DOCK1: variants seen among roughly 807,000 people sequenced by gnomAD.
DOCK1 encodes the protein dedicator of cytokinesis protein 1.
In DOCK1, 138 loss-of-function variants were observed where a neutral mutation model predicts 262.7. The observed-to-expected ratio is 0.53, with a 90% CI of 0.46 to 0.61. The LOEUF is 0.61. Ranked by LOEUF, DOCK1 falls within the 20% of genes least tolerant of loss-of-function variation. DOCK1 has a pLI of 0.00. For synonymous variants in DOCK1, 866 were observed against 867.4 expected (o/e 1.00, Z 0.03); for missense variants, 1,908 against 2,370.7 (o/e 0.80, Z 4.05).
In DOCK1 at chr10:127,179,455, C is replaced by A. The variant is rs186659550; in HGVS notation, c.2847+51691C>A. Among the ~76,000 whole-genome samples the A allele has an allele frequency of 1.9e-3, 283 of 152,256 alleles. 2 individuals carry two copies. The highest frequency in any genetic ancestry group is 0.017 in the Admixed American group (263 of 15,298). ...AAAAAACAGTAATAGTAATTGAGTT[C>A]TTATTCTCTGATAGGGAAAACACCA... On this transcript the variant is annotated intron_variant, in intron 27 of 51. Transcript: ENST00000623213.
chr10:127,210,308 C>G (rs61744031), intron 27 of DOCK1, among the ~76,000 whole-genome samples: 2,957 of 152,258 alleles, frequency 0.019, 108 homozygotes, highest in African/African-American at 0.067. Flanking sequence ...ATGGCCCCTG[C>G]TTGTCTCGGC....
chr10:126,936,642 A>G (rs1232869734), intron 1 of DOCK1, among the ~76,000 whole-genome samples: 1 of 152,204 alleles, frequency 6.6e-6, no homozygotes, highest in Non-Finnish European at 1.5e-5. Flanking sequence ...TTTCATGACA[A>G]AGACTCCCAT....
chr10:127,228,349 G>A (rs952125254), intron 27 of DOCK1, among the ~76,000 whole-genome samples: 3 of 152,148 alleles, frequency 2.0e-5, no homozygotes, highest in Admixed American at 6.5e-5. Flanking sequence ...CACGCTGCCC[G>A]GCCCGGAGGT....
intron 29 of DOCK1, among the ~76,000 whole-genome samples, chr10:127,289,937 G>T (rs2061293724): frequency 6.7e-6 from 1 of 148,732 alleles, no homozygotes; most frequent in African/African-American, 2.5e-5. Flanking sequence ...ATATATTTCT[G>T]ATATATTTTT....
rs1001295817 is a variant in DOCK1 at position 127,397,496 on chromosome 10, A to T, written c.3928-5559A>T. Among the ~76,000 whole-genome samples the T allele has an allele frequency of 7.4e-3, 767 of 103,360 alleles. 4 individuals carry two copies. The highest frequency in any genetic ancestry group is 0.018 in the South Asian group (57 of 3,208). The allele number at this position is 103,360 out of a possible 152,430, so 67.8% of individuals were successfully genotyped here. A position where few individuals can be genotyped will look rare whatever the true frequency, so the allele number is the denominator to read the frequency against. On this transcript the variant is annotated intron_variant, in intron 38 of 51. Coordinates refer to ENST00000623213, the MANE Select transcript of DOCK1 (RefSeq NM_001290223.2). ...CTGAGCATGAGTTACACGGGCAGCAACTCCTATGTGATCTGAGCATGAGTT... is the reference window on the plus strand; with the variant it reads ...CTGAGCATGAGTTACACGGGCAGCATCTCCTATGTGATCTGAGCATGAGTT...
intron 23 of DOCK1, among the ~76,000 whole-genome samples, chr10:127,095,947 C>T (rs898022259): frequency 2.0e-5 from 3 of 151,900 alleles, no homozygotes; most frequent in Admixed American, 1.3e-4. Flanking sequence ...GTCCCTCAGG[C>T]GTTAAATTGA....
chr10:127,380,340 A>T (rs1480811672), intron 36 of DOCK1, among the ~76,000 whole-genome samples: 2 of 151,968 alleles, frequency 1.3e-5, no homozygotes, highest in Non-Finnish European at 2.9e-5. Context: ...CCATTAGCCA[A>T]CTCAAAAGCA....
At chr10:127,133,740 C>T (rs748408819) in intron 27 of DOCK1, among the ~76,000 whole-genome samples, 5 of 152,128 alleles carry the variant, frequency 3.3e-5, no homozygotes, top group Non-Finnish European at 5.9e-5. Flanking sequence ...TTAATTTTTG[C>T]GCAACTTAAA....
intron 28 of DOCK1, among the ~76,000 whole-genome samples, chr10:127,256,616 T>A (rs1475128512): frequency 1.3e-5 from 2 of 152,152 alleles, no homozygotes; most frequent in African/African-American, 4.8e-5. Flanking sequence ...AGACACATAC[T>A]GGAGTCCCTA....
In DOCK1 at chr10:126,947,414, A is replaced by ATGG. The variant is rs1263209197; in HGVS notation, c.47-23280_47-23278dup. 2.3e-4 allele frequency among the ~76,000 whole-genome samples: 12 copies of ATGG among 52,334 alleles called. No individual in the cohort carries two copies. In the South Asian group the frequency reaches 3.9e-3, roughly 17 times the overall value. 34.3% of individuals were successfully genotyped at this position (52,334 alleles called of 152,430 possible). On this transcript the variant is annotated intron_variant, in intron 1 of 51. Transcript: ENST00000623213. ...GTTGGTAGTATTACTGTTGGTGGTG[A>ATGG]TGGTGGTGGTTGGTAGTATTACTGT... is the stretch of plus-strand genomic sequence containing the variant.
chr10:126,952,471 G>C (rs1229637745), intron 1 of DOCK1, among the ~76,000 whole-genome samples: 4 of 151,466 alleles, frequency 2.6e-5, no homozygotes, highest in Non-Finnish European at 4.4e-5. Context: ...TGGTAGTATT[G>C]GTGGTAGTAT....
intron 27 of DOCK1, among the ~76,000 whole-genome samples, chr10:127,243,781 C>T (rs1035719268): frequency 6.6e-6 from 1 of 152,130 alleles, no homozygotes; most frequent in African/African-American, 2.4e-5. Flanking sequence ...AGATCAGGGG[C>T]AGGCAGGGAG....
rs59477974 is a variant in DOCK1 at position 127,121,455 on chromosome 10, A to ATGTG, written c.2624-4001_2624-3998dup. Among the ~76,000 whole-genome samples the ATGTG allele has an allele frequency of 4.2e-3, 616 of 148,358 alleles. 7 individuals are homozygous for ATGTG. Among genetic ancestry groups the ATGTG allele is most frequent in the African/African-American group, 0.014 (570 of 40,558 alleles). ...ATAGGTCATTGTAGGGTATATGTAT[A>ATGTG]TGTGTGTGTGTGTGTGTGTGTCTAT... On this transcript the variant is annotated intron_variant, in intron 25 of 51. Transcript: ENST00000623213.
chr10:127,228,305 C>T (rs370044177), intron 27 of DOCK1, among the ~76,000 whole-genome samples: 3 of 152,260 alleles, frequency 2.0e-5, no homozygotes, highest in East Asian at 3.9e-4. Context: ...TGTGCTCTTG[C>T]TAAATTCTCC....
Position 127,415,246 on chromosome 10 carries a change from T to C in DOCK1, c.4515+8T>C, listed in dbSNP as rs368881485. The C allele has an allele frequency of 1.2e-6, 2 of 1,611,916 alleles. No homozygotes were observed. Among genetic ancestry groups the C allele is most frequent in the African/African-American group, 2.7e-5 (2 of 74,934 alleles). ...GTCAAGTCTGTTTTCATGGTAAGGA[T>C]GGCCCCACCCCAGAAGGAATTGTCC... On this transcript the variant is annotated splice_region_variant and intron_variant, in intron 44 of 51. Transcript: ENST00000623213.
intron 43 of DOCK1, 23 bp from the exon 44 acceptor site, chr10:127,415,127 TTG>T (rs144931150): frequency 1.8e-4 from 287 of 1,588,244 alleles, no homozygotes; most frequent in South Asian, 2.7e-4. Context: ...CTAACCCGTG[TTG>T]TGTGTGTGTG....
In DOCK1 at chr10:127,175,630, CGGT is replaced by C; in HGVS notation, c.2847+47869_2847+47871del. 2 of 1,613,198 alleles carry C rather than the reference CGGT, an allele frequency of 1.2e-6. No homozygotes were observed. The highest frequency in any genetic ancestry group is 8.5e-7 in the Non-Finnish European group (1 of 1,179,946). ...CTGGCACTGAGGGCAGGTGCGTAAA[CGGT>C]GGCAACCTCCGTTTTAAACACCCTC... is the stretch of plus-strand genomic sequence containing the variant. On this transcript the variant is annotated intron_variant, in intron 27 of 51. Transcript: ENST00000623213. This position sits in a 1 kb window ranked among gnomAD's most constrained non-coding sequence, Gnocchi z 6.3.
chr10:126,978,817 T>A (rs971173687), intron 3 of DOCK1, among the ~76,000 whole-genome samples: 2 of 152,210 alleles, frequency 1.3e-5, no homozygotes, highest in East Asian at 3.9e-4. Context: ...ATTGTGGTCC[T>A]GAGCCTGTAA....
intron 27 of DOCK1, among the ~76,000 whole-genome samples, chr10:127,222,033 TTATG>T (rs911101318): frequency 2.0e-5 from 2 of 100,110 alleles, no homozygotes; most frequent in African/African-American, 1.0e-4. Flanking sequence ...CAAAGTAATA[TTATG>T]GCAGGGTGTT....
Sources: allele counts gnomAD v4.1 joint callset (sites outside exome capture counted in the v4.1 genomes callset), GRCh38; gene constraint gnomAD v4.1.1; non-coding constraint Gnocchi (gnomAD v3.1); transcripts MANE v1.5; gene names NCBI Gene and HGNC (gene_info 2026-07-23, HGNC 2026-07-21).